Variants in PTPRT observed in about 807,000 individuals in gnomAD.
PTPRT encodes receptor-type tyrosine-protein phosphatase T.
A neutral mutation model predicts 176.8 loss-of-function variants in PTPRT; 56 were observed. The observed-to-expected ratio is 0.32, with a 90% CI of 0.26 to 0.40. The LOEUF is 0.40. PTPRT is among the 10% of genes least tolerant of loss of function. The probability of loss-of-function intolerance (pLI) is 1.00; values close to 1 mark genes in which losing one functional copy is unlikely to be tolerated. For synonymous variants in PTPRT, 783 were observed against 739.0 expected, an observed-to-expected ratio of 1.06 and a Z score of -0.96; for missense variants, 1,540 against 1,908.2, an observed-to-expected ratio of 0.81 and a Z score of 3.60.
chr20:42,249,592 TA>T (rs541834206), intron 13 of PTPRT, among the ~76,000 whole-genome samples: 57 of 152,274 alleles, frequency 3.7e-4, no homozygotes, highest in South Asian at 1.7e-3. Flanking sequence ...TTTCCCATTT[TA>T]TAGATGAGAA....
At chr20:42,159,913 T>G (rs979494532) in intron 17 of PTPRT, among the ~76,000 whole-genome samples, 1 of 152,212 alleles carries the variant, frequency 6.6e-6, no homozygotes, top group Non-Finnish European at 1.5e-5. Context: ...AACAGCTTAC[T>G]ACATTGGAAT....
At chr20:42,105,204 G>A (rs757731906) in intron 24 of PTPRT, among the ~76,000 whole-genome samples, 8 of 152,168 alleles carry the variant, frequency 5.3e-5, no homozygotes, top group African/African-American at 9.7e-5. Context: ...CTCAGAGTTC[G>A]CCAGCAGAAT....
At chr20:42,487,922 A>G (rs968235868) in intron 7 of PTPRT, among the ~76,000 whole-genome samples, 2 of 152,178 alleles carry the variant, frequency 1.3e-5, no homozygotes, top group Non-Finnish European at 2.9e-5. Context: ...TGTTTTATAC[A>G]CTGTCTTCTG....
chr20:43,141,171 A>G (rs2013991187), intron 1 of PTPRT, among the ~76,000 whole-genome samples: 1 of 152,220 alleles, frequency 6.6e-6, no homozygotes, highest in African/African-American at 2.4e-5. Flanking sequence ...CTGGTCATTA[A>G]TTCAACCATG....
chr20:43,188,572 T>G (rs977777018), intron 1 of PTPRT, among the ~76,000 whole-genome samples: 89 of 152,328 alleles, frequency 5.8e-4, no homozygotes, highest in African/African-American at 2.1e-3. Context: ...TGCTTAGCGA[T>G]CCGAAACCAG....
At chr20:42,377,077 C>T (rs531984375) in intron 9 of PTPRT, among the ~76,000 whole-genome samples, 34 of 152,262 alleles carry the variant, frequency 2.2e-4, no homozygotes, top group Admixed American at 6.5e-5. Flanking sequence ...CAATTACCTC[C>T]GTCCTTTGAT....
intron 1 of PTPRT, among the ~76,000 whole-genome samples, chr20:43,167,025 G>C (rs563191756): frequency 6.6e-6 from 1 of 152,126 alleles, no homozygotes; most frequent in African/African-American, 2.4e-5. Flanking sequence ...CTGGCATCTT[G>C]ACATTCAACT....
At chr20:42,916,092 C>A (rs893108182) in intron 1 of PTPRT, among the ~76,000 whole-genome samples, 10 of 151,824 alleles carry the variant, frequency 6.6e-5, no homozygotes, top group Non-Finnish European at 1.2e-4. Context: ...TTAGGTATAT[C>A]TTTTAATGCT....
At chr20:42,625,241 T>C (rs2074268137) in intron 7 of PTPRT, among the ~76,000 whole-genome samples, 1 of 152,138 alleles carries the variant, frequency 6.6e-6, no homozygotes, top group South Asian at 2.1e-4. Flanking sequence ...CTGGAGAAGA[T>C]GTTTAATTTC....
At chr20:42,979,974 G>C (rs570542263) in intron 1 of PTPRT, among the ~76,000 whole-genome samples, 4 of 126,800 alleles carry the variant, frequency 3.2e-5, no homozygotes, top group Non-Finnish European at 6.7e-5. Context: ...CAAGTATGCC[G>C]GCCGGGAAGG....
chr20:43,171,315 C>G (rs1336468926), intron 1 of PTPRT, among the ~76,000 whole-genome samples: 1 of 152,126 alleles, frequency 6.6e-6, no homozygotes, highest in Non-Finnish European at 1.5e-5. Context: ...TTCATTTATT[C>G]ACCAACATTA....
intron 1 of PTPRT, among the ~76,000 whole-genome samples, chr20:42,895,170 T>C (rs370707535): frequency 2.0e-5 from 3 of 152,246 alleles, no homozygotes; most frequent in African/African-American, 7.2e-5. Flanking sequence ...CCACAAACTG[T>C]GTGACTTAAA....
At chr20:42,817,364 T>TC (rs2077805960) in intron 2 of PTPRT, among the ~76,000 whole-genome samples, 1 of 29,342 alleles carries the variant, frequency 3.4e-5, no homozygotes, top group Non-Finnish European at 9.6e-5. Flanking sequence ...TCATGTTTGG[T>TC]TTTTTTTTTT....
intron 6 of PTPRT, among the ~76,000 whole-genome samples, chr20:42,692,435 A>G (rs1006130301): frequency 4.6e-5 from 7 of 152,230 alleles, no homozygotes; most frequent in African/African-American, 1.7e-4. Context: ...ACAAACTGAA[A>G]GATAAAAATC....
intron 6 of PTPRT, chr20:42,686,196 C>A (rs1011487169): frequency 1.3e-5 from 2 of 152,190 alleles, no homozygotes; most frequent in African/African-American, 4.8e-5. Context: ...GATGAGGACA[C>A]CAAGGTTACC....
chr20:42,065,974 G>T, the PTPRT span, among the ~76,000 whole-genome samples: 7 of 151,386 alleles, frequency 4.6e-5, no homozygotes, highest in South Asian at 4.2e-4. Context: ...TTACTGTTAG[G>T]CTTCCTCATA....
At chr20:42,470,330 C>T (rs2071171167) in intron 8 of PTPRT, among the ~76,000 whole-genome samples, 2 of 152,164 alleles carry the variant, frequency 1.3e-5, no homozygotes, top group African/African-American at 2.4e-5. Context: ...TGATGCATGG[C>T]CCACCCTGAA....
At position 42,107,015 on chromosome 20, in the gene PTPRT, G is replaced by T. The variant is rs1986515936; in HGVS notation, c.3255-94C>A. On this transcript the variant is annotated intron_variant, in intron 23 of 30. Coordinates refer to ENST00000373187, the MANE Select transcript of PTPRT (RefSeq NM_007050.6). ...ATTCAGCCCTATCCCCAAGGGTCCTGCTGGGAGGCTCTAGATTATGTGTTC... is the reference window on the plus strand; with the variant it reads ...ATTCAGCCCTATCCCCAAGGGTCCTTCTGGGAGGCTCTAGATTATGTGTTC... The T allele has an allele frequency of 2.0e-6, 3 of 1,463,914 alleles. No individual in the cohort carries two copies. In the South Asian group the frequency reaches 4.2e-5, roughly 20 times the overall value. The allele number at this position is 1,463,914 out of a possible 1,614,324, so 90.7% of individuals were successfully genotyped here. A position where few individuals can be genotyped will look rare whatever the true frequency, so the allele number is the denominator to read the frequency against.
At chr20:42,604,366 T>C (rs1420300406) in intron 7 of PTPRT, among the ~76,000 whole-genome samples, 1 of 152,204 alleles carries the variant, frequency 6.6e-6, no homozygotes, top group Admixed American at 6.5e-5. Flanking sequence ...GGGCATGAGA[T>C]GGTGGGGCCA....
Sources: gnomAD v4.1 joint callset for allele counts (sites outside exome capture counted in the v4.1 genomes callset) on GRCh38, gnomAD v4.1.1 for gene constraint, MANE v1.5 for transcripts, NCBI Gene and HGNC (gene_info 2026-07-23, HGNC 2026-07-21) for gene names.